BAZ2B: variants seen among roughly 807,000 people sequenced by gnomAD.
BAZ2B encodes the protein bromodomain adjacent to zinc finger domain 2B, also known as bromodomain adjacent to zinc finger domain protein 2B.
Under a neutral mutation model 246.0 loss-of-function variants are expected in BAZ2B, and 91 were observed. That is an observed-to-expected ratio of 0.37 (90% CI 0.31 to 0.44). The LOEUF (loss-of-function observed/expected upper bound fraction) is 0.44. Among genes scored for constraint, BAZ2B ranks in the 20% least tolerant of loss-of-function variants. BAZ2B has a pLI of 1.00. For missense variants in BAZ2B, 2,332 were observed against 2,533.7 expected, an observed-to-expected ratio of 0.92 and a Z score of 1.71; for synonymous variants, 855 against 860.0, an observed-to-expected ratio of 0.99 and a Z score of 0.10.
At position 159,350,472 on chromosome 2, in the gene BAZ2B, T is replaced by C. The variant is rs551379342; in HGVS notation, c.4214-115A>G. On this transcript the variant is annotated intron_variant, in intron 27 of 36. Coordinates refer to ENST00000392783, the MANE Select transcript of BAZ2B (RefSeq NM_013450.4). Reference sequence around the variant, plus strand: ...GCATAAATACTTAAACTTTTCTGTATTACCTAATACTCCCTATATTTTCCT... The same window carrying C: ...GCATAAATACTTAAACTTTTCTGTACTACCTAATACTCCCTATATTTTCCT... 1.6e-5 allele frequency: 16 copies of C among 1,005,154 alleles called. No individual in the cohort carries two copies. The East Asian group carries it at 4.3e-4, about 27-fold the overall frequency. The allele number at this position is 1,005,154 out of a possible 1,614,324, so 62.3% of individuals were successfully genotyped here.
intron 3 of BAZ2B, among the ~76,000 whole-genome samples, chr2:159,471,519 G>A (rs1402431096): frequency 6.6e-6 from 1 of 152,166 alleles, no homozygotes; most frequent in African/African-American, 2.4e-5. Context: ...GAGCCTCAAA[G>A]GTTGAGACTG....
chr2:159,610,663 C>A (rs1340002720), intron 1 of BAZ2B, among the ~76,000 whole-genome samples: 1 of 152,102 alleles, frequency 6.6e-6, no homozygotes, highest in East Asian at 1.9e-4. Flanking sequence ...TTATTATTAT[C>A]CCCAATATGC....
At chr2:159,600,924 G>A (rs1348514324) in intron 1 of BAZ2B, among the ~76,000 whole-genome samples, 2 of 152,146 alleles carry the variant, frequency 1.3e-5, no homozygotes, top group African/African-American at 4.8e-5. Flanking sequence ...ATCTGACTAA[G>A]CAGACAAAAG....
intron 2 of BAZ2B, among the ~76,000 whole-genome samples, chr2:159,513,920 C>T (rs935960574): frequency 1.8e-4 from 27 of 152,136 alleles, no homozygotes; most frequent in African/African-American, 6.0e-4. Context: ...TCTCTCCATA[C>T]CCGTACTCAC....
At chr2:159,601,670 G>A (rs547141166) in intron 1 of BAZ2B, among the ~76,000 whole-genome samples, 1 of 152,098 alleles carries the variant, frequency 6.6e-6, no homozygotes, top group Non-Finnish European at 1.5e-5. Context: ...GCAGTGAGCC[G>A]AGATTGTGCC....
intron 2 of BAZ2B, among the ~76,000 whole-genome samples, chr2:159,501,484 A>G (rs2081834766): frequency 6.6e-6 from 1 of 151,270 alleles, no homozygotes; most frequent in Non-Finnish European, 1.5e-5. Context: ...TATCATGAAT[A>G]AAACTATGAG....
chr2:159,516,025 C>G (rs938299883), intron 2 of BAZ2B, among the ~76,000 whole-genome samples: 1 of 151,994 alleles, frequency 6.6e-6, no homozygotes, highest in African/African-American at 2.4e-5. Context: ...TTTAATAAAG[C>G]TAATTTCTTT....
intron 2 of BAZ2B, among the ~76,000 whole-genome samples, chr2:159,549,245 C>A (rs1429040916): frequency 6.6e-6 from 1 of 152,152 alleles, no homozygotes; most frequent in Non-Finnish European, 1.5e-5. Context: ...TGCACCACTG[C>A]ACTCCAGCCT....
chr2:159,512,062 T>C (rs1047737661), intron 2 of BAZ2B, among the ~76,000 whole-genome samples: 6 of 152,126 alleles, frequency 3.9e-5, no homozygotes, highest in African/African-American at 1.2e-4. Flanking sequence ...AACAGAAATA[T>C]ATAGACAATG....
intron 2 of BAZ2B, among the ~76,000 whole-genome samples, chr2:159,537,879 C>CT (rs145425774): frequency 6.6e-6 from 1 of 152,060 alleles, no homozygotes; most frequent in Non-Finnish European, 1.5e-5. Context: ...AATCTACCAT[C>CT]TTTTTTTAGG....
At chr2:159,599,401 C>G (rs1166523561) in intron 1 of BAZ2B, among the ~76,000 whole-genome samples, 1 of 148,946 alleles carries the variant, frequency 6.7e-6, no homozygotes, top group Non-Finnish European at 1.5e-5. Context: ...GGCGGATTAC[C>G]TGAGGCTGGG....
chr2:159,571,927 A>G (rs1684119336), intron 1 of BAZ2B, among the ~76,000 whole-genome samples: 1 of 152,216 alleles, frequency 6.6e-6, no homozygotes, highest in Admixed American at 6.5e-5. Flanking sequence ...CTTGTGGCCT[A>G]ATCACATCTT....
At chr2:159,412,762 A>C (rs2067025195) in intron 13 of BAZ2B, among the ~76,000 whole-genome samples, 1 of 152,180 alleles carries the variant, frequency 6.6e-6, no homozygotes, top group Admixed American at 6.5e-5. Flanking sequence ...CTTAAGCTTT[A>C]ATTAAATATA....
intron 2 of BAZ2B, among the ~76,000 whole-genome samples, chr2:159,550,407 G>C (rs2088007495): frequency 6.6e-6 from 1 of 152,160 alleles, no homozygotes; most frequent in Non-Finnish European, 1.5e-5. Context: ...CAGCCAGCAA[G>C]GAGGAAGGGG....
chr2:159,611,566 G>A (rs1694724246), intron 1 of BAZ2B, among the ~76,000 whole-genome samples: 1 of 151,788 alleles, frequency 6.6e-6, no homozygotes, highest in Non-Finnish European at 1.5e-5. Context: ...GGAATCAATG[G>A]CATAAGTGTT....
At chr2:159,654,953 A>G in the BAZ2B span, among the ~76,000 whole-genome samples, 16 of 152,324 alleles carry the variant, frequency 1.1e-4, no homozygotes, top group South Asian at 3.3e-3. Flanking sequence ...TTCTGTAAAT[A>G]GTTTCCTCTG....
At chr2:159,380,806 T>C (rs1429200634) in intron 25 of BAZ2B, among the ~76,000 whole-genome samples, 2 of 152,190 alleles carry the variant, frequency 1.3e-5, no homozygotes, top group East Asian at 1.9e-4. Context: ...ATGTATGTTG[T>C]TGAGTGAATT....
intron 26 of BAZ2B, among the ~76,000 whole-genome samples, chr2:159,374,479 T>C (rs1203168071): frequency 2.0e-5 from 3 of 152,200 alleles, no homozygotes; most frequent in African/African-American, 7.2e-5. Flanking sequence ...GCTTTTAACC[T>C]TGGCATTAAG....
In BAZ2B at chr2:159,404,839, A is replaced by G. The variant is rs759890300; in HGVS notation, c.2832+10T>C. The G allele has an allele frequency of 1.2e-6, 2 of 1,609,384 alleles. No homozygotes were observed. Among genetic ancestry groups the G allele is most frequent in the Non-Finnish European group, 1.7e-6 (2 of 1,177,494 alleles). On this transcript the variant is annotated intron_variant, in intron 16 of 36. Coordinates refer to ENST00000392783, the MANE Select transcript of BAZ2B (RefSeq NM_013450.4). ...ATATTTTAAAAGTCACTTCCAATGTATACACATACCTGCTGTTTCATAATC... is the reference window on the plus strand; with the variant it reads ...ATATTTTAAAAGTCACTTCCAATGTGTACACATACCTGCTGTTTCATAATC...
Sources: gnomAD v4.1 joint callset for allele counts (sites outside exome capture counted in the v4.1 genomes callset) on GRCh38, gnomAD v4.1.1 for gene constraint, MANE v1.5 for transcripts, NCBI Gene and HGNC (gene_info 2026-07-23, HGNC 2026-07-21) for gene names.